Variants in GLYATL2 observed in about 807,000 individuals in gnomAD.
The protein encoded by GLYATL2 is glycine-N-acyltransferase like 2.
Under a neutral mutation model 21.4 loss-of-function variants are expected in GLYATL2, and 25 were observed. The ratio of observed to expected loss-of-function variants is 1.17; its 90% CI spans 0.85 to 1.63. The LOEUF is 1.63. Among genes scored for constraint, GLYATL2 ranks in the 40% most tolerant of loss-of-function variants. The pLI, the probability that GLYATL2 is intolerant of heterozygous loss-of-function variation, is 0.00. For missense variants in GLYATL2, 361 were observed against 343.3 expected (o/e 1.05, Z -0.41); for synonymous variants, 114 against 118.2 (o/e 0.96, Z 0.23).
intron 1 of GLYATL2, among the ~76,000 whole-genome samples, chr11:58,903,101 T>C (rs554354280): frequency 6.6e-6 from 1 of 152,272 alleles, no homozygotes; most frequent in Non-Finnish European, 1.5e-5. Flanking sequence ...TTATTCCAAT[T>C]GTGTGGTTCA....
At chr11:58,846,477 A>C (rs1283112839), upstream of GLYATL2, among the ~76,000 whole-genome samples, 1 of 152,006 alleles carries the variant, frequency 6.6e-6, no homozygotes, top group African/African-American at 2.4e-5. Flanking sequence ...ATCCCTCCCA[A>C]CCTCAGTAGC....
chr11:58,853,338 C>T (rs1853773830), intron 1 of GLYATL2, among the ~76,000 whole-genome samples: 1 of 152,290 alleles, frequency 6.6e-6, no homozygotes, highest in Middle Eastern at 3.4e-3. Flanking sequence ...TCCACATCTG[C>T]AACCAAATAC....
In GLYATL2 at chr11:58,837,090, A is replaced by G; in HGVS notation, c.401T>C (p.Ile134Thr). The G allele has an allele frequency of 6.2e-7, 1 of 1,613,884 alleles. No individual in the cohort carries two copies. The change falls in exon 5 of 6, where the codon ATA (isoleucine) becomes ACA (threonine). Residue 134 changes from isoleucine (I) to threonine (T), a missense_variant. Transcript: ENST00000287275. ...QVDYMKTILF[I>T]PELPKKHKTS... is the part of the protein sequence containing the mutation. ...CTTGTGTTTCTTTGGTAATTCCGGT[A>G]TAAAGAGGATGGTTTTCATGTAATC...
At chr11:58,887,162 T>G (rs1401484972) in intron 1 of GLYATL2, among the ~76,000 whole-genome samples, 2 of 152,242 alleles carry the variant, frequency 1.3e-5, no homozygotes, top group African/African-American at 4.8e-5. Flanking sequence ...ACTTCACATA[T>G]GCATTGCTTT....
chr11:58,894,480 A>C (rs1026211350), intron 1 of GLYATL2, among the ~76,000 whole-genome samples: 25 of 151,562 alleles, frequency 1.6e-4, no homozygotes, highest in Admixed American at 1.6e-3. Flanking sequence ...CTATAGCAAA[A>C]AAAAAAAAAA....
rs1404990464 is a variant in GLYATL2, at chr11:58,875,616, C to T, written n.60+28540G>A. On this transcript the variant is annotated intron_variant and non_coding_transcript_variant, in intron 1 of 4. Transcript: ENST00000533636. ...TTTCTTTAAGAATGTTAAATATTGG[C>T]CCCCACTCTCTTCTGGCTTGTAGAG... Among the ~76,000 whole-genome samples the T allele has an allele frequency of 5.9e-5, 9 of 152,288 alleles. No homozygotes were observed. The East Asian group carries it at 7.7e-4, about 13-fold the overall frequency.
intron 1 of GLYATL2, chr11:58,892,155 A>C (rs1277101462): frequency 1.3e-5 from 2 of 158,476 alleles, no homozygotes; most frequent in African/African-American, 4.8e-5. Context: ...TGATAATTGC[A>C]ATCAGTGGGA....
At chr11:58,908,778 T>C (rs990946928), upstream of GLYATL2, among the ~76,000 whole-genome samples, 1 of 152,172 alleles carries the variant, frequency 6.6e-6, no homozygotes, top group Non-Finnish European at 1.5e-5. Flanking sequence ...TAACAAACAA[T>C]ATGGACACTT....
At chr11:58,850,096 T>C (rs150368700) in intron 1 of GLYATL2, among the ~76,000 whole-genome samples, 1,527 of 152,292 alleles carry the variant, frequency 0.01, 23 homozygotes, top group African/African-American at 0.034. Context: ...CTGATGAATA[T>C]TGATGCAAAA....
At chr11:58,853,193 A>G (rs1853771304) in intron 1 of GLYATL2, among the ~76,000 whole-genome samples, 1 of 152,170 alleles carries the variant, frequency 6.6e-6, no homozygotes, top group Non-Finnish European at 1.5e-5. Context: ...GATTTGGGGC[A>G]ATACGAATAT....
chr11:58,906,867 T>C (rs569292081), upstream of GLYATL2, among the ~76,000 whole-genome samples: 50 of 152,220 alleles, frequency 3.3e-4, no homozygotes, highest in Non-Finnish European at 5.6e-4. Flanking sequence ...CGGTGCTCAT[T>C]TGAGGCGGGG....
intron 1 of GLYATL2, among the ~76,000 whole-genome samples, chr11:58,856,930 A>T (rs766467840): frequency 2.6e-5 from 4 of 152,250 alleles, no homozygotes; most frequent in Non-Finnish European, 4.4e-5. Flanking sequence ...TGCAGGGTTG[A>T]CACAAACTTT....
At chr11:58,883,850 A>G (rs1854388453) in intron 1 of GLYATL2, among the ~76,000 whole-genome samples, 1 of 152,226 alleles carries the variant, frequency 6.6e-6, no homozygotes, top group Non-Finnish European at 1.5e-5. Context: ...CCAGCAGCAC[A>G]TCAAAAAGCT....
At chr11:58,907,478 T>TA (rs1854927980), upstream of GLYATL2, 5 of 193,808 alleles carry the variant, frequency 2.6e-5, no homozygotes, top group Middle Eastern at 2.3e-3. Context: ...CGCTCTTTTT[T>TA]GTTTGTTTTG....
chr11:58,906,146 G>A (rs1326776970), upstream of GLYATL2, among the ~76,000 whole-genome samples: 1 of 152,186 alleles, frequency 6.6e-6, no homozygotes. Flanking sequence ...CGGACCCGGA[G>A]TTAGGTGGAT....
chr11:58,840,338 G>A (rs80135404), intron 1 of GLYATL2, among the ~76,000 whole-genome samples: 1,706 of 152,114 alleles, frequency 0.011, 13 homozygotes, highest in Non-Finnish European at 0.018. Context: ...GTTTAAGGAT[G>A]TAAACATAAG....
chr11:58,907,469 G>C (rs538183330), upstream of GLYATL2: 3 of 299,690 alleles, frequency 1.0e-5, no homozygotes, highest in East Asian at 1.1e-4. Context: ...CATGTATTTC[G>C]CTCTTTTTTG....
upstream of GLYATL2, chr11:58,905,658 C>T (rs887493164): frequency 2.2e-6 from 1 of 454,590 alleles, no homozygotes; most frequent in Non-Finnish European, 4.4e-6. Flanking sequence ...CTTAGTTTAT[C>T]CTGGTACGCG....
Position 58,869,021 on chromosome 11 carries a change from G to A in GLYATL2, n.61-30653C>T, listed in dbSNP as rs592869. Among the ~76,000 whole-genome samples, 453 of 128,846 alleles carry A rather than the reference G, an allele frequency of 3.5e-3. 22 individuals are homozygous for A. Among genetic ancestry groups the A allele is most frequent in the Non-Finnish European group, 5.8e-3 (330 of 57,114 alleles). The allele number at this position is 128,846 out of a possible 152,430, so 84.5% of individuals were successfully genotyped here. A position where few individuals can be genotyped will look rare whatever the true frequency, so the allele number is the denominator to read the frequency against. ...TCCAGGCAAGTGAGTGTCTTTTGTG[G>A]GTACCAGATGGTGGGATCAGCTCCT... On this transcript the variant is annotated intron_variant and non_coding_transcript_variant, in intron 1 of 4. Transcript: ENST00000533636.
Sources: allele counts gnomAD v4.1 joint callset (sites outside exome capture counted in the v4.1 genomes callset), GRCh38; gene constraint gnomAD v4.1.1; transcripts MANE v1.5; gene names NCBI Gene and HGNC (gene_info 2026-07-23, HGNC 2026-07-21).